FAAH2: variants seen among roughly 807,000 people sequenced by gnomAD.
FAAH2 encodes fatty acid amide hydrolase 2.
FAAH2 carries 60 observed loss-of-function variants against 36.9 expected under a neutral mutation model. That is an observed-to-expected ratio of 1.63 (90% CI 1.32 to 2.02). FAAH2 has a LOEUF of 2.02. FAAH2 is among the 30% of genes most tolerant of loss of function. The probability of loss-of-function intolerance (pLI) is 0.00; values close to 1 mark genes in which losing one functional copy is unlikely to be tolerated. For synonymous variants in FAAH2, 214 were observed against 143.8 expected, an observed-to-expected ratio of 1.49 and a Z score of -3.49; for missense variants, 689 against 397.5, an observed-to-expected ratio of 1.73 and a Z score of -6.23.
chrX:57,334,571 T>G lies in FAAH2; in HGVS notation c.622+2764T>G, dbSNP rs374184155. 2.0e-4 allele frequency among the ~76,000 whole-genome samples: 22 copies of G among 111,353 alleles called. No individual in the cohort carries two copies. In the East Asian group the frequency reaches 5.4e-3, roughly 27 times the overall value. ...GAACAAAGGTAAAATAATGTATTTT[T>G]AAATTATTGATTGCTGTAACATGTA... On this transcript the variant is annotated intron_variant, in intron 4 of 10. Coordinates refer to ENST00000374900, the MANE Select transcript of FAAH2 (RefSeq NM_174912.4).
chrX:57,466,152 C>CTATATATATA (rs1219532061), intron 10 of FAAH2, among the ~76,000 whole-genome samples: 223 of 66,777 alleles, frequency 3.3e-3, no homozygotes, highest in East Asian at 0.012. Context: ...CTCTCTCTCT[C>CTATATATATA]TCTCTATATA....
At chrX:57,377,444 C>T (rs144422215) in intron 5 of FAAH2, among the ~76,000 whole-genome samples, 140 of 111,795 alleles carry the variant, frequency 1.3e-3, no homozygotes, top group Non-Finnish European at 2.4e-3. Context: ...TTGTCAAAGA[C>T]TAGATTGTAG....
the FAAH2 span, among the ~76,000 whole-genome samples, chrX:57,139,940 A>G: frequency 8.9e-6 from 1 of 112,096 alleles, no homozygotes; most frequent in African/African-American, 3.2e-5. Context: ...GTATATGTAG[A>G]TAACTTGGAG....
At position 57,431,933 on chromosome X, in the gene FAAH2, G is replaced by A; in HGVS notation, c.1012G>A (p.Glu338Lys). The A allele has an allele frequency of 1.7e-6, 2 of 1,200,791 alleles. No individual in the cohort carries two copies. The highest frequency in any genetic ancestry group is 1.8e-5 in the South Asian group (1 of 55,515). ...MTQKKVVVHL[E>K]TILGASVQHV... ...CTTTTATAAGGTTGTGGTTCACCTTGAAACTATTCTAGGAGCCTCAGTTCA... is the reference window on the plus strand; with the variant it reads ...CTTTTATAAGGTTGTGGTTCACCTTAAAACTATTCTAGGAGCCTCAGTTCA... The change falls in exon 8 of 11, where the codon GAA (glutamate) becomes AAA (lysine). Residue 338 changes from glutamate (E) to lysine (K), a missense_variant. Glu to Lys is a moderately conservative substitution (Grantham distance 56). Transcript: ENST00000374900.
At chrX:57,134,411 C>A in the FAAH2 span, 1 of 111,356 alleles carries the variant, frequency 9.0e-6, no homozygotes, top group African/African-American at 3.3e-5. Flanking sequence ...TGGGGAAGGT[C>A]TAACCAGAAT....
At chrX:57,333,143 G>A (rs2147011144) in intron 4 of FAAH2, among the ~76,000 whole-genome samples, 1 of 111,620 alleles carries the variant, frequency 9.0e-6, no homozygotes, top group South Asian at 3.7e-4. Context: ...TAAACCAGAA[G>A]AACAGTACAT....
At chrX:57,195,075 G>A in the FAAH2 span, among the ~76,000 whole-genome samples, 4 of 111,026 alleles carry the variant, frequency 3.6e-5, no homozygotes, top group African/African-American at 9.8e-5. Flanking sequence ...CTATAAACAT[G>A]CATGTGCAAG....
At chrX:57,263,863 G>C in the FAAH2 span, among the ~76,000 whole-genome samples, 3 of 111,377 alleles carry the variant, frequency 2.7e-5, no homozygotes, top group South Asian at 1.1e-3. Context: ...TAGATAAATG[G>C]AACCAAACAC....
the FAAH2 span, among the ~76,000 whole-genome samples, chrX:57,123,373 G>A: frequency 8.9e-6 from 1 of 112,107 alleles, no homozygotes; most frequent in South Asian, 3.7e-4. Context: ...TGGTGTATAT[G>A]TGCCACATTT....
Position 57,437,242 on chromosome X carries a change from G to T in FAAH2, c.1116+5205G>T, listed in dbSNP as rs1417241855. Among the ~76,000 whole-genome samples, 3 of 110,399 alleles carry T rather than the reference G, an allele frequency of 2.7e-5. No homozygotes were observed. The East Asian group carries it at 8.5e-4, about 31-fold the overall frequency. On this transcript the variant is annotated intron_variant, in intron 8 of 10. Coordinates refer to ENST00000374900, the MANE Select transcript of FAAH2 (RefSeq NM_174912.4). ...ATGAACATATCTCAATGTAATAAAGGCCACATACAACAAACCCAAATCTAA... is the reference window on the plus strand; with the variant it reads ...ATGAACATATCTCAATGTAATAAAGTCCACATACAACAAACCCAAATCTAA...
At chrX:57,343,021 A>G (rs2053726240) in intron 5 of FAAH2, among the ~76,000 whole-genome samples, 2 of 111,788 alleles carry the variant, frequency 1.8e-5, no homozygotes, top group African/African-American at 6.5e-5. Flanking sequence ...TATTCAGTCC[A>G]CTGTTGATGG....
At chrX:57,324,892 G>A (rs979621213) in intron 3 of FAAH2, among the ~76,000 whole-genome samples, 65 of 112,087 alleles carry the variant, frequency 5.8e-4, no homozygotes, top group African/African-American at 2.1e-3. Flanking sequence ...TAGGAGTGGT[G>A]AGAGAGGACA....
At chrX:57,335,357 G>C (rs1019101938) in intron 4 of FAAH2, among the ~76,000 whole-genome samples, 12 of 112,103 alleles carry the variant, frequency 1.1e-4, no homozygotes. Context: ...TTCCCGGAGA[G>C]GGGGATGTGG....
the FAAH2 span, among the ~76,000 whole-genome samples, chrX:57,131,916 C>A: frequency 8.9e-6 from 1 of 112,011 alleles, no homozygotes; most frequent in Non-Finnish European, 1.9e-5. Flanking sequence ...CTGACCATAT[C>A]TCTTTAACTG....
chrX:57,271,628 C>T, the FAAH2 span, among the ~76,000 whole-genome samples: 2 of 111,832 alleles, frequency 1.8e-5, no homozygotes, highest in South Asian at 7.5e-4. Flanking sequence ...GAAACAGGGT[C>T]GGGAGTGGAC....
the FAAH2 span, among the ~76,000 whole-genome samples, chrX:57,265,676 A>G: frequency 8.9e-6 from 1 of 111,972 alleles, no homozygotes; most frequent in Non-Finnish European, 1.9e-5. Flanking sequence ...TTCTCTGGCC[A>G]GTAGAGATTT....
At chrX:57,327,464 C>G (rs999651406) in intron 3 of FAAH2, among the ~76,000 whole-genome samples, 1 of 109,640 alleles carries the variant, frequency 9.1e-6, no homozygotes, top group African/African-American at 3.3e-5. Flanking sequence ...CTCCCCGTGA[C>G]TTTCAGGTAC....
At chrX:57,166,700 C>T in the FAAH2 span, among the ~76,000 whole-genome samples, 1 of 112,186 alleles carries the variant, frequency 8.9e-6, no homozygotes, top group Non-Finnish European at 1.9e-5. Context: ...GACATAGTTA[C>T]GGTGATCTTG....
At chrX:57,199,290 A>T in the FAAH2 span, among the ~76,000 whole-genome samples, 1 of 109,957 alleles carries the variant, frequency 9.1e-6, no homozygotes, top group African/African-American at 3.3e-5. Flanking sequence ...TGTTTTTTTT[A>T]TCAGTTGTTT....
Sources: gnomAD v4.1 joint callset for allele counts (sites outside exome capture counted in the v4.1 genomes callset) on GRCh38, gnomAD v4.1.1 for gene constraint, MANE v1.5 for transcripts, NCBI Gene and HGNC (gene_info 2026-07-23, HGNC 2026-07-21) for gene names.